Variants in NCAM1 observed in about 807,000 individuals in gnomAD.
The protein encoded by NCAM1 is neural cell adhesion molecule 1, also known as antigen recognized by monoclonal antibody 5.1H11.
A neutral mutation model predicts 109.8 loss-of-function variants in NCAM1; 14 were observed. That is an observed-to-expected ratio of 0.13 (90% CI 0.08 to 0.20). NCAM1 has a LOEUF of 0.20. NCAM1 is among the 10% of genes least tolerant of loss of function. NCAM1 has a pLI of 1.00. For missense variants in NCAM1, 774 were observed against 1,109.9 expected, an observed-to-expected ratio of 0.70 and a Z score of 4.30; for synonymous variants, 418 against 442.9, an observed-to-expected ratio of 0.94 and a Z score of 0.70.
At chr11:112,978,717 T>C (rs1359263675) in intron 1 of NCAM1, among the ~76,000 whole-genome samples, 5 of 151,870 alleles carry the variant, frequency 3.3e-5, no homozygotes, top group Non-Finnish European at 7.4e-5. Context: ...TACATATTTT[T>C]AGCATCTTTT....
chr11:113,181,237 C>T (rs1228175667), intron 1 of NCAM1, among the ~76,000 whole-genome samples: 10 of 152,082 alleles, frequency 6.6e-5, no homozygotes, highest in Non-Finnish European at 1.0e-4. Context: ...CCTCTCGGGC[C>T]CTGCCAGCCC....
intron 1 of NCAM1, among the ~76,000 whole-genome samples, chr11:113,067,941 C>T (rs184782775): frequency 0.012 from 1,611 of 139,018 alleles, 26 homozygotes; most frequent in African/African-American, 0.041. Context: ...GACGGAGTCT[C>T]GCTCTGTCAC....
chr11:113,249,572 G>A (rs1023088435), intron 15 of NCAM1, among the ~76,000 whole-genome samples: 3 of 152,212 alleles, frequency 2.0e-5, no homozygotes, highest in Non-Finnish European at 2.9e-5. Context: ...TAGAGTTGAA[G>A]ATGGGCACGA....
At chr11:113,118,608 T>C (rs1940811106) in intron 1 of NCAM1, among the ~76,000 whole-genome samples, 1 of 151,976 alleles carries the variant, frequency 6.6e-6, no homozygotes, top group Non-Finnish European at 1.5e-5. Flanking sequence ...GCTTGTGTCA[T>C]GAAACAATGA....
chr11:113,119,294 G>A (rs1348833809), intron 1 of NCAM1, among the ~76,000 whole-genome samples: 3 of 152,176 alleles, frequency 2.0e-5, no homozygotes, highest in African/African-American at 7.2e-5. Context: ...CAGAGCTGCA[G>A]AACTACTGTC....
intron 1 of NCAM1, among the ~76,000 whole-genome samples, chr11:113,132,604 ATGTGTGTGTGTGTGTGTGTGTG>A (rs71060290): frequency 7.0e-4 from 91 of 130,406 alleles, no homozygotes; most frequent in Admixed American, 1.4e-3. Flanking sequence ...ATTAGGAAGC[ATGTGTGTGTGTGTGTGTGTGTG>A]TGTGTGTGTG....
At chr11:113,117,132 T>C (rs1328458156) in intron 1 of NCAM1, among the ~76,000 whole-genome samples, 1 of 152,028 alleles carries the variant, frequency 6.6e-6, no homozygotes, top group Non-Finnish European at 1.5e-5. Context: ...TTTTTCCTAA[T>C]GCTCTCTAAA....
At chr11:113,115,178 C>G (rs962903219) in intron 1 of NCAM1, among the ~76,000 whole-genome samples, 1 of 152,106 alleles carries the variant, frequency 6.6e-6, no homozygotes, top group Admixed American at 6.5e-5. Flanking sequence ...CATTGCCCCA[C>G]CAACCAGCTG....
In NCAM1 at chr11:113,023,110, C is replaced by T. The variant is rs372490112; in HGVS notation, c.52+61446C>T. On this transcript the variant is annotated intron_variant, in intron 1 of 19. Coordinates refer to ENST00000316851, the MANE Select transcript of NCAM1 (RefSeq NM_181351.5). ...GAATATCAAGAGAAGAGTTGCAGAC[C>T]CTGGCACAACTGCTAGATACTATAC... Among the ~76,000 whole-genome samples the T allele has an allele frequency of 3.9e-5, 6 of 152,172 alleles. No homozygotes were observed. In the East Asian group the frequency reaches 1.2e-3, roughly 29 times the overall value.
At chr11:113,066,721 C>T (rs772551122) in intron 1 of NCAM1, among the ~76,000 whole-genome samples, 45 of 152,102 alleles carry the variant, frequency 3.0e-4, no homozygotes, top group Non-Finnish European at 5.9e-4. Context: ...ATTAGATTGG[C>T]CAGGTGCAGT....
At chr11:113,019,237 T>A (rs1952308844) in intron 1 of NCAM1, among the ~76,000 whole-genome samples, 1 of 152,122 alleles carries the variant, frequency 6.6e-6, no homozygotes, top group Admixed American at 6.5e-5. Context: ...CACAGATATT[T>A]AGGGACTTGG....
chr11:113,196,144 T>C (rs1322033091), intron 1 of NCAM1, among the ~76,000 whole-genome samples: 1 of 152,204 alleles, frequency 6.6e-6, no homozygotes, highest in Non-Finnish European at 1.5e-5. Context: ...GAGCTGGAAT[T>C]TGAACTCAGA....
chr11:112,990,410 G>T (rs557107422), intron 1 of NCAM1, among the ~76,000 whole-genome samples: 1 of 152,300 alleles, frequency 6.6e-6, no homozygotes, highest in African/African-American at 2.4e-5. Flanking sequence ...TCTCCATCTT[G>T]TCTCAGTGCT....
At chr11:113,040,431 G>A (rs1317720354) in intron 1 of NCAM1, among the ~76,000 whole-genome samples, 1 of 152,110 alleles carries the variant, frequency 6.6e-6, no homozygotes, top group Non-Finnish European at 1.5e-5. Context: ...TTCAGTAATG[G>A]GCAAATTGTA....
At chr11:113,241,616 T>C (rs1436166474) in intron 14 of NCAM1, among the ~76,000 whole-genome samples, 1 of 152,194 alleles carries the variant, frequency 6.6e-6, no homozygotes, top group Non-Finnish European at 1.5e-5. Flanking sequence ...TCATTTCTGA[T>C]CTAATTAATG....
chr11:113,123,781 G>A (rs1364540887), intron 1 of NCAM1, among the ~76,000 whole-genome samples: 2 of 152,196 alleles, frequency 1.3e-5, no homozygotes, highest in East Asian at 3.9e-4. Context: ...TGGTGGTACA[G>A]CCCACAGCCT....
rs559449885 is a variant in NCAM1, at chr11:113,084,463, C to G, written c.53-117916C>G. Among the ~76,000 whole-genome samples the G allele has an allele frequency of 2.0e-5, 3 of 152,282 alleles. No homozygotes were observed. The South Asian group carries it at 6.2e-4, about 32-fold the overall frequency. ...TTCCAAGATGCACATTTCTCACTGA[C>G]AGTTGAACTGACATCAGGATTGTCT... On this transcript the variant is annotated intron_variant, in intron 1 of 19. Transcript: ENST00000316851.
At chr11:113,143,471 T>C (rs1251917694) in intron 1 of NCAM1, among the ~76,000 whole-genome samples, 1 of 152,226 alleles carries the variant, frequency 6.6e-6, no homozygotes, top group Non-Finnish European at 1.5e-5. Flanking sequence ...ATGAACCACA[T>C]CTTAACAGAG....
chr11:113,077,659 C>T (rs1938588907), intron 1 of NCAM1, among the ~76,000 whole-genome samples: 1 of 151,222 alleles, frequency 6.6e-6, no homozygotes, highest in Admixed American at 6.6e-5. Flanking sequence ...TAGCTCAGAG[C>T]TTGGCATGTA....
Sources: allele counts gnomAD v4.1 joint callset (sites outside exome capture counted in the v4.1 genomes callset), GRCh38; gene constraint gnomAD v4.1.1; transcripts MANE v1.5; gene names NCBI Gene and HGNC (gene_info 2026-07-23, HGNC 2026-07-21).